The following ACTR3C variants were observed in gnomAD, a reference collection of about 807,000 sequenced individuals.
ACTR3C encodes the protein actin-related protein 3C.
ACTR3C carries 18 observed loss-of-function variants against 26.3 expected under a neutral mutation model. That is an observed-to-expected ratio of 0.68 (90% confidence interval 0.47 to 1.01). The LOEUF (loss-of-function observed/expected upper bound fraction) is 1.01, where lower values mean the gene tolerates loss of function less well. Ranked by LOEUF, ACTR3C falls within the 50% of genes least tolerant of loss-of-function variation. ACTR3C has a pLI of 0.00. For missense variants in ACTR3C, 184 were observed against 250.7 expected, an observed-to-expected ratio of 0.73 and a Z score of 1.80; for synonymous variants, 55 against 94.5, an observed-to-expected ratio of 0.58 and a Z score of 2.42.
At chr7:149,994,565 C>T in the ACTR3C span, among the ~76,000 whole-genome samples, 5 of 152,042 alleles carry the variant, frequency 3.3e-5, no homozygotes, top group South Asian at 1.0e-3. Flanking sequence ...CCATTCATTG[C>T]ACTCCAGCCT....
the ACTR3C span, among the ~76,000 whole-genome samples, chr7:150,148,574 T>C: frequency 6.6e-6 from 1 of 152,246 alleles, no homozygotes; most frequent in Admixed American, 6.5e-5. Context: ...ACTCAGTGTT[T>C]ATTATGCCCA....
chr7:150,003,858 T>C, the ACTR3C span, among the ~76,000 whole-genome samples: 2,531 of 151,524 alleles, frequency 0.017, no homozygotes, highest in African/African-American at 0.059. Flanking sequence ...ATATGGTGTG[T>C]GTGGTATGTG....
At chr7:150,233,519 T>C in the ACTR3C span, among the ~76,000 whole-genome samples, 1 of 151,170 alleles carries the variant, frequency 6.6e-6, no homozygotes, top group Non-Finnish European at 1.5e-5. Context: ...CTCCTTCTGG[T>C]ATTCCAAATA....
the ACTR3C span, among the ~76,000 whole-genome samples, chr7:150,087,707 T>A: frequency 1.3e-5 from 2 of 152,214 alleles, no homozygotes; most frequent in Non-Finnish European, 2.9e-5. Context: ...AGCCACAGCC[T>A]GTTGTGAAAC....
chr7:150,208,536 G>A, the ACTR3C span, among the ~76,000 whole-genome samples: 325 of 152,046 alleles, frequency 2.1e-3, 1 homozygote, highest in Non-Finnish European at 2.2e-3. Flanking sequence ...TTTTTGTAGT[G>A]GGGATAATTA....
At chr7:149,888,734 G>A in the ACTR3C span, among the ~76,000 whole-genome samples, 61 of 152,336 alleles carry the variant, frequency 4.0e-4, no homozygotes, top group African/African-American at 1.3e-3. Flanking sequence ...GTTGCTGGGC[G>A]TGGTGGCTCA....
At chr7:150,176,024 A>G in the ACTR3C span, among the ~76,000 whole-genome samples, 162 of 150,720 alleles carry the variant, frequency 1.1e-3, 12 homozygotes, top group African/African-American at 3.9e-3. Flanking sequence ...CACGAATAAC[A>G]TAATATAGAC....
At chr7:149,898,218 A>C in the ACTR3C span, among the ~76,000 whole-genome samples, 1 of 152,182 alleles carries the variant, frequency 6.6e-6, no homozygotes, top group Non-Finnish European at 1.5e-5. Flanking sequence ...CTGTAGAAAT[A>C]GATAACATCC....
chr7:150,320,615 T>C (rs763176978), intron 1 of ACTR3C, among the ~76,000 whole-genome samples: 1 of 152,046 alleles, frequency 6.6e-6, no homozygotes, highest in Non-Finnish European at 1.5e-5. Context: ...ATATAAAAAT[T>C]AGCCAGGTAA....
At chr7:149,972,880 C>A in the ACTR3C span, among the ~76,000 whole-genome samples, 1 of 151,952 alleles carries the variant, frequency 6.6e-6, no homozygotes. Flanking sequence ...CCCAGGTAAG[C>A]CCCGTGCGTG....
chr7:149,942,668 T>C, the ACTR3C span, among the ~76,000 whole-genome samples: 17 of 150,172 alleles, frequency 1.1e-4, 1 homozygote, highest in South Asian at 3.6e-3. Flanking sequence ...GGAATGGCCC[T>C]GGTTCTCAGT....
chr7:149,882,839 G>A, the ACTR3C span, among the ~76,000 whole-genome samples: 1 of 152,176 alleles, frequency 6.6e-6, no homozygotes, highest in Admixed American at 6.5e-5. Flanking sequence ...AATCATGGGA[G>A]TGAAAAATTA....
the ACTR3C span, among the ~76,000 whole-genome samples, chr7:149,969,050 A>C: frequency 6.6e-6 from 1 of 151,894 alleles, no homozygotes; most frequent in Non-Finnish European, 1.5e-5. Context: ...GGTAGAACCA[A>C]CCTCATGTCC....
At chr7:150,146,581 A>G in the ACTR3C span, among the ~76,000 whole-genome samples, 1 of 152,090 alleles carries the variant, frequency 6.6e-6, no homozygotes, top group Non-Finnish European at 1.5e-5. Flanking sequence ...CAGCTATTCC[A>G]CATTTCTTGG....
chr7:150,165,568 C>T, the ACTR3C span, among the ~76,000 whole-genome samples: 1 of 152,026 alleles, frequency 6.6e-6, no homozygotes, highest in South Asian at 2.1e-4. Flanking sequence ...TCTTTCTTCT[C>T]CCACCACAAA....
At chr7:150,229,616 C>G in the ACTR3C span, among the ~76,000 whole-genome samples, 10 of 151,634 alleles carry the variant, frequency 6.6e-5, no homozygotes, top group African/African-American at 2.4e-4. Context: ...TCCTGAGTAG[C>G]TGGGACTACA....
chr7:150,203,963 G>T, the ACTR3C span, among the ~76,000 whole-genome samples: 1 of 151,222 alleles, frequency 6.6e-6, no homozygotes, highest in African/African-American at 2.4e-5. Context: ...ATAATAAAGG[G>T]TATGAAATTG....
chr7:150,124,270 A>G, the ACTR3C span, among the ~76,000 whole-genome samples: 16 of 152,268 alleles, frequency 1.1e-4, no homozygotes, highest in African/African-American at 3.6e-4. Flanking sequence ...TACTGTTTTT[A>G]GCAAAATACA....
the ACTR3C span, among the ~76,000 whole-genome samples, chr7:150,199,529 C>T: frequency 3.4e-5 from 4 of 117,272 alleles, no homozygotes; most frequent in South Asian, 1.2e-3. Context: ...TGTTTATCTG[C>T]TGACCTTCCC....
Sources: gnomAD v4.1 joint callset for allele counts (sites outside exome capture counted in the v4.1 genomes callset) on GRCh38, gnomAD v4.1.1 for gene constraint, MANE v1.5 for transcripts, NCBI Gene and HGNC (gene_info 2026-07-23, HGNC 2026-07-21) for gene names.